GATAD2A: variants seen among roughly 807,000 people sequenced by gnomAD.
The protein encoded by GATAD2A is GATA zinc finger domain containing 2A.
In GATAD2A, 12 loss-of-function variants were observed where a neutral mutation model predicts 68.5. The ratio of observed to expected loss-of-function variants is 0.18; its 90% CI spans 0.11 to 0.28. The LOEUF (loss-of-function observed/expected upper bound fraction) is 0.28. GATAD2A is among the 10% of genes least tolerant of loss of function. GATAD2A has a pLI of 1.00. For missense variants in GATAD2A, 755 were observed against 868.5 expected (o/e 0.87, Z 1.64); for synonymous variants, 410 against 375.3 (o/e 1.09, Z -1.07).
Position 19,388,823 on chromosome 19 carries a change from C to T in GATAD2A, c.-7+2685C>T, listed in dbSNP as rs114780009. 5.1e-3 allele frequency among the ~76,000 whole-genome samples: 782 copies of T among 152,178 alleles called. 9 individuals are homozygous for T. The highest frequency in any genetic ancestry group is 0.018 in the African/African-American group (754 of 41,508). ...AAATAAAAAGGAAAAGAAAACTCTCCTTCATCTCTTCCTGTTGCATTTTCT... is the reference window on the plus strand; with the variant it reads ...AAATAAAAAGGAAAAGAAAACTCTCTTTCATCTCTTCCTGTTGCATTTTCT... On this transcript the variant is annotated intron_variant, in intron 1 of 11. Transcript: ENST00000360315.
intron 1 of GATAD2A, among the ~76,000 whole-genome samples, chr19:19,439,557 A>G (rs1477775463): frequency 6.6e-6 from 1 of 152,156 alleles, no homozygotes; most frequent in Non-Finnish European, 1.5e-5. Context: ...ATCTAGCAAA[A>G]GGACAAGTGG....
At chr19:19,428,641 G>C (rs927038918) in intron 1 of GATAD2A, among the ~76,000 whole-genome samples, 1 of 152,214 alleles carries the variant, frequency 6.6e-6, no homozygotes, top group Non-Finnish European at 1.5e-5. Context: ...GGGAGCGAGA[G>C]GGGTGTGGTG....
At chr19:19,438,913 C>T (rs910495604) in intron 1 of GATAD2A, among the ~76,000 whole-genome samples, 12 of 152,250 alleles carry the variant, frequency 7.9e-5, no homozygotes, top group Admixed American at 7.8e-4. Flanking sequence ...TAAGACAGCC[C>T]AGCATATTGA....
At chr19:19,405,573 T>A (rs889628973), upstream of GATAD2A, among the ~76,000 whole-genome samples, 1 of 151,612 alleles carries the variant, frequency 6.6e-6, no homozygotes, top group Non-Finnish European at 1.5e-5. Context: ...TCCGGGGCGG[T>A]ACCGTCCGGC....
chr19:19,498,786 G>T (rs1263908283), intron 8 of GATAD2A, 64 bp downstream of exon 8: 2 of 1,419,704 alleles, frequency 1.4e-6, no homozygotes, highest in Non-Finnish European at 1.9e-6. Flanking sequence ...TGCCCCGTGG[G>T]TTCTTTCCAA....
At chr19:19,417,310 A>T (rs996271475) in intron 1 of GATAD2A, among the ~76,000 whole-genome samples, 1 of 152,342 alleles carries the variant, frequency 6.6e-6, no homozygotes, top group African/African-American at 2.4e-5. Flanking sequence ...CCTTAGGCTG[A>T]GAATAGCCTC....
intron 1 of GATAD2A, among the ~76,000 whole-genome samples, chr19:19,460,042 G>T (rs573761539): frequency 6.6e-6 from 1 of 152,324 alleles, no homozygotes; most frequent in East Asian, 1.9e-4. Context: ...TGTCTGTTCT[G>T]CATGGGAAAG....
chr19:19,473,445 C>T (rs1034568750), intron 2 of GATAD2A, among the ~76,000 whole-genome samples: 8 of 152,154 alleles, frequency 5.3e-5, no homozygotes, highest in African/African-American at 7.2e-5. Context: ...CAAAACCAGT[C>T]GCAATTGGTG....
At chr19:19,465,664 G>C (rs1329393247) in intron 2 of GATAD2A, 50 bp downstream of exon 2, 4 of 1,545,730 alleles carry the variant, frequency 2.6e-6, no homozygotes, top group Non-Finnish European at 3.5e-6. Context: ...GACAAGCCCA[G>C]TGTGCCCAGG....
At chr19:19,420,331 C>CT (rs1184441572) in intron 1 of GATAD2A, among the ~76,000 whole-genome samples, 12,730 of 86,026 alleles carry the variant, frequency 0.15, 1,358 homozygotes, top group South Asian at 0.3. Context: ...CCCATCTTGA[C>CT]TTTTTTTTTT....
At chr19:19,496,757 T>C (rs1352750626) in intron 7 of GATAD2A, among the ~76,000 whole-genome samples, 1 of 152,112 alleles carries the variant, frequency 6.6e-6, no homozygotes, top group Non-Finnish European at 1.5e-5. Flanking sequence ...CCCCACCCAC[T>C]GGAAGTAGGA....
chr19:19,396,091 C>T (rs527699124), intron 1 of GATAD2A, among the ~76,000 whole-genome samples: 2 of 152,194 alleles, frequency 1.3e-5, no homozygotes, highest in South Asian at 2.1e-4. Flanking sequence ...GAGGCTGAGG[C>T]GGGTGGATCG....
At chr19:19,386,205 C>A (rs2048399596) in intron 1 of GATAD2A, 1 of 152,572 alleles carries the variant, frequency 6.6e-6, no homozygotes, top group East Asian at 1.9e-4. Flanking sequence ...CTGGGGCTTC[C>A]GCTTCTCCCG....
intron 7 of GATAD2A, 79 bp downstream of exon 7, chr19:19,496,298 C>A: frequency 7.7e-7 from 1 of 1,302,220 alleles, no homozygotes; most frequent in Non-Finnish European, 1.1e-6. Context: ...GGTTCTGGGG[C>A]ACAGTAGTGT....
At chr19:19,500,037 G>T (rs1179273269) in intron 8 of GATAD2A, among the ~76,000 whole-genome samples, 1 of 152,244 alleles carries the variant, frequency 6.6e-6, no homozygotes, top group Non-Finnish European at 1.5e-5. Context: ...CCTTGCCCCT[G>T]CCTGTGCGGG....
chr19:19,405,966 C>T lies in GATAD2A; in HGVS notation c.-60C>T, dbSNP rs1262646232. 3 of 149,786 alleles carry T rather than the reference C, an allele frequency of 2.0e-5. No individual in the cohort carries two copies. The highest frequency in any genetic ancestry group is 7.3e-5 in the African/African-American group (3 of 41,120). The allele number at this position is 149,786 out of a possible 1,614,324, so 9.3% of individuals were successfully genotyped here. A position where few individuals can be genotyped will look rare whatever the true frequency, so the allele number is the denominator to read the frequency against. ...CCCGGCCCCGCGGGCGACCCCGGAC[C>T]AGCAGCCCCCGTAACCTGCGCGCTG... On this transcript the variant is annotated 5_prime_UTR_variant, in exon 1 of 12. Transcript: ENST00000683918.
rs745531722 is a variant in GATAD2A, at chr19:19,495,851, A to C, written c.722A>C (p.Gln241Pro). 9.9e-6 allele frequency: 16 copies of C among 1,613,136 alleles called. No homozygotes were observed. In the Admixed American group the frequency reaches 1.2e-4, roughly 12 times the overall value. ...AAGCTGGGGCCACAGGCGAGCTCAC[A>C]GGTCGTCATGCCCCCACTCGTCAGG... is the stretch of plus-strand genomic sequence containing the variant. ...SSKLGPQASS[Q>P]VVMPPLVRGA... Residue 241 changes from glutamine to proline, a missense_variant, in exon 6 of 12, where the codon CAG becomes CCG. Gln to Pro is a moderately conservative substitution (Grantham distance 76). Transcript: ENST00000683918.
intron 1 of GATAD2A, among the ~76,000 whole-genome samples, chr19:19,412,161 T>A (rs2965187): frequency 0.2 from 30,376 of 150,114 alleles, 3,089 homozygotes; most frequent in Middle Eastern, 0.32. Flanking sequence ...ATTTTTTTTT[T>A]AATTTTTTTG....
Position 19,498,481 on chromosome 19 carries a change from C to T in GATAD2A, c.963C>T (p.Ser321=), listed in dbSNP as rs377322158. The change falls in exon 8 of 12, where the codon TCC becomes TCT. Residue 321 remains serine, a synonymous_variant. Transcript: ENST00000683918. ...CACTGAAGGGGACAACAGCCACCTC[C>T]GCTCAGGCCAACTCCACCCCCACTA... ...PASLKGTTAT[S]AQANSTPTSV... 1.7e-5 allele frequency: 28 copies of T among 1,612,670 alleles called. 1 individual carries two copies. The highest frequency in any genetic ancestry group is 1.6e-4 in the South Asian group (15 of 91,062).
Sources: gnomAD v4.1 joint callset for allele counts (sites outside exome capture counted in the v4.1 genomes callset) on GRCh38, gnomAD v4.1.1 for gene constraint, MANE v1.5 for transcripts, NCBI Gene and HGNC (gene_info 2026-07-23, HGNC 2026-07-21) for gene names.